GRIN2A: variants seen among roughly 807,000 people sequenced by gnomAD.
GRIN2A encodes the protein glutamate receptor ionotropic, NMDA 2A.
A neutral mutation model predicts 113.4 loss-of-function variants in GRIN2A; 22 were observed. The observed-to-expected ratio is 0.19, with a 90% CI of 0.14 to 0.28. GRIN2A has a LOEUF of 0.28. Among genes scored for constraint, GRIN2A ranks in the 10% least tolerant of loss-of-function variants. The pLI is 1.00. For synonymous variants in GRIN2A, 827 were observed against 738.4 expected, an observed-to-expected ratio of 1.12 and a Z score of -1.94; for missense variants, 1,502 against 1,887.0, an observed-to-expected ratio of 0.80 and a Z score of 3.78.
intron 2 of GRIN2A, among the ~76,000 whole-genome samples, chr16:10,006,512 G>A (rs837689): frequency 0.6 from 90,724 of 151,948 alleles, 27,210 homozygotes; most frequent in Middle Eastern, 0.65. Flanking sequence ...GGTACATAGT[G>A]GGTGTATATA....
intron 2 of GRIN2A, among the ~76,000 whole-genome samples, chr16:10,040,212 T>C (rs375386853): frequency 5.2e-5 from 4 of 76,322 alleles, no homozygotes; most frequent in African/African-American, 2.1e-4. Context: ...CACATCCACA[T>C]CATGCAAATA....
At chr16:9,864,332 A>G (rs7196023) in intron 4 of GRIN2A, among the ~76,000 whole-genome samples, 47,390 of 152,004 alleles carry the variant, frequency 0.31, 7,599 homozygotes, top group African/African-American at 0.35. Context: ...TGACAGCTGA[A>G]AAAGCCTTTT....
chr16:10,078,642 C>T (rs143338537), intron 2 of GRIN2A, among the ~76,000 whole-genome samples: 1 of 152,326 alleles, frequency 6.6e-6, no homozygotes, highest in Non-Finnish European at 1.5e-5. Flanking sequence ...GCTCTGCCCT[C>T]GGTTGCTACT....
At chr16:10,009,274 T>A (rs781689686) in intron 2 of GRIN2A, among the ~76,000 whole-genome samples, 10 of 152,208 alleles carry the variant, frequency 6.6e-5, no homozygotes, top group Non-Finnish European at 1.2e-4. Context: ...ATTTTTGTAA[T>A]CCCATGTGGG....
Position 9,923,192 on chromosome 16 carries a change from A to T in GRIN2A, c.1007+14767T>A, listed in dbSNP as rs541006739. Among the ~76,000 whole-genome samples, 4 of 152,268 alleles carry T rather than the reference A, an allele frequency of 2.6e-5. No individual in the cohort carries two copies. In the East Asian group the frequency reaches 7.7e-4, roughly 29 times the overall value. ...TTTTTGATGAATTGACTCATTTATC[A>T]TAATGAAATGGCAATATTTAATGCC... On this transcript the variant is annotated intron_variant, in intron 3 of 12. Transcript: ENST00000330684.
chr16:10,008,398 C>A (rs548979494), intron 2 of GRIN2A, among the ~76,000 whole-genome samples: 2 of 152,328 alleles, frequency 1.3e-5, no homozygotes, highest in South Asian at 4.1e-4. Flanking sequence ...AGTAGTAAGA[C>A]TAACTTTAAG....
intron 10 of GRIN2A, among the ~76,000 whole-genome samples, chr16:9,803,167 G>T (rs2041898706): frequency 6.6e-6 from 1 of 152,092 alleles, no homozygotes; most frequent in Non-Finnish European, 1.5e-5. Context: ...CACTTTGGGA[G>T]GCCGAGGTGG....
intron 3 of GRIN2A, among the ~76,000 whole-genome samples, chr16:9,902,874 C>A (rs2043955760): frequency 6.8e-6 from 1 of 148,106 alleles, no homozygotes; most frequent in South Asian, 2.1e-4. Context: ...TTGTTTTTAA[C>A]AAGGCTGATT....
At chr16:10,098,361 T>A (rs888991593) in intron 2 of GRIN2A, among the ~76,000 whole-genome samples, 3 of 152,228 alleles carry the variant, frequency 2.0e-5, no homozygotes, top group Non-Finnish European at 2.9e-5. Flanking sequence ...GGTGGGAATG[T>A]AAACTAGTAC....
chr16:10,112,411 C>T (rs1567307406), intron 2 of GRIN2A: 6 of 720,456 alleles, frequency 8.3e-6, no homozygotes, highest in Admixed American at 3.7e-5. Context: ...CCCCAGGGCA[C>T]TGCTGTGTAC....
At chr16:9,795,920 T>C (rs1364920434) in intron 11 of GRIN2A, among the ~76,000 whole-genome samples, 1 of 152,154 alleles carries the variant, frequency 6.6e-6, no homozygotes, top group African/African-American at 2.4e-5. Context: ...ACAACAGTCT[T>C]CCCTAATTGG....
intron 2 of GRIN2A, among the ~76,000 whole-genome samples, chr16:10,064,778 G>A (rs771295486): frequency 6.6e-6 from 1 of 152,198 alleles, no homozygotes; most frequent in Non-Finnish European, 1.5e-5. Context: ...GTGCTTCAGT[G>A]AAATGCAAAT....
chr16:10,095,424 A>T (rs914309020), intron 2 of GRIN2A, among the ~76,000 whole-genome samples: 1 of 152,202 alleles, frequency 6.6e-6, no homozygotes, highest in African/African-American at 2.4e-5. Flanking sequence ...AACCCACTGT[A>T]AAATTAAGAA....
intron 2 of GRIN2A, among the ~76,000 whole-genome samples, chr16:10,013,081 T>C (rs777499805): frequency 1.3e-5 from 2 of 152,168 alleles, no homozygotes. Context: ...GGAAATAATC[T>C]GTACAACAAA....
intron 10 of GRIN2A, among the ~76,000 whole-genome samples, chr16:9,804,907 C>G (rs2041935531): frequency 6.6e-6 from 1 of 152,224 alleles, no homozygotes. Context: ...GACCTCCTCT[C>G]TGTAAATTAG....
Position 10,146,093 on chromosome 16 carries a change from C to T in GRIN2A, c.414+33905G>A, listed in dbSNP as rs575437186. On this transcript the variant is annotated intron_variant, in intron 2 of 12. Coordinates refer to ENST00000330684, the MANE Select transcript of GRIN2A (RefSeq NM_001134407.3). ...GGAAGACAGGAACAAGATGGGAGCA[C>T]GGATGCATATCCACTCATCCATTTA... Among the ~76,000 whole-genome samples, 8 of 152,250 alleles carry T rather than the reference C, an allele frequency of 5.3e-5. No individual in the cohort carries two copies. In the East Asian group the frequency reaches 7.7e-4, roughly 15 times the overall value.
chr16:9,931,791 A>G (rs943590292), intron 3 of GRIN2A, among the ~76,000 whole-genome samples: 1 of 152,218 alleles, frequency 6.6e-6, no homozygotes, highest in Non-Finnish European at 1.5e-5. Context: ...ACGTGTGCAC[A>G]TGTGTGTATA....
intron 2 of GRIN2A, among the ~76,000 whole-genome samples, chr16:10,100,853 G>A (rs1319528508): frequency 6.6e-6 from 1 of 152,214 alleles, no homozygotes; most frequent in Non-Finnish European, 1.5e-5. Flanking sequence ...CTAACCACTG[G>A]AGTTAATCCA....
chr16:9,776,878 G>A (rs1033308437), intron 11 of GRIN2A, among the ~76,000 whole-genome samples: 1 of 152,112 alleles, frequency 6.6e-6, no homozygotes, highest in Non-Finnish European at 1.5e-5. Context: ...TCATGTTCTC[G>A]ATGACAACAG....
Sources: gnomAD v4.1 joint callset for allele counts (sites outside exome capture counted in the v4.1 genomes callset) on GRCh38, gnomAD v4.1.1 for gene constraint, MANE v1.5 for transcripts, NCBI Gene and HGNC (gene_info 2026-07-23, HGNC 2026-07-21) for gene names.